CDK5RAP2: variants seen among roughly 807,000 people sequenced by gnomAD.
The protein encoded by CDK5RAP2 is CDK5 regulatory subunit associated protein 2.
A neutral mutation model predicts 232.9 loss-of-function variants in CDK5RAP2; 147 were observed. That is an observed-to-expected ratio of 0.63 (90% CI 0.55 to 0.72). The LOEUF (loss-of-function observed/expected upper bound fraction) is 0.72. CDK5RAP2 is among the 30% of genes least tolerant of loss of function. The pLI, the probability that CDK5RAP2 is intolerant of heterozygous loss-of-function variation, is 0.00. For synonymous variants in CDK5RAP2, 833 were observed against 833.7 expected, an observed-to-expected ratio of 1.00 and a Z score of 0.01; for missense variants, 2,195 against 2,231.5, an observed-to-expected ratio of 0.98 and a Z score of 0.33.
rs1419277318 is a variant in CDK5RAP2 at position 120,402,768 on chromosome 9, G to C, written c.5307+38C>G. ...CTCCCCCTTCCACCGACACTCCCAG[G>C]GAGCAGCTTGTGCCCCCCAGCTCTG... On this transcript the variant is annotated intron_variant, in intron 34 of 37. Coordinates refer to ENST00000349780, the MANE Select transcript of CDK5RAP2 (RefSeq NM_018249.6). 5 of 1,612,040 alleles carry C rather than the reference G, an allele frequency of 3.1e-6. No homozygotes were observed. The South Asian group carries it at 4.4e-5, about 14-fold the overall frequency.
chr9:120,456,814 G>C (rs1361778782), intron 20 of CDK5RAP2, among the ~76,000 whole-genome samples: 2 of 152,140 alleles, frequency 1.3e-5, no homozygotes, highest in Admixed American at 1.3e-4. Context: ...CTTTACAAAT[G>C]GGTAGTAAAA....
chr9:120,482,903 A>T (rs1220276794), intron 14 of CDK5RAP2, among the ~76,000 whole-genome samples: 1 of 152,214 alleles, frequency 6.6e-6, no homozygotes, highest in East Asian at 1.9e-4. Flanking sequence ...GTCCCATTTC[A>T]TCAATCACCT....
chr9:120,464,489 C>G (rs548943865), intron 18 of CDK5RAP2, among the ~76,000 whole-genome samples: 1 of 152,138 alleles, frequency 6.6e-6, no homozygotes, highest in South Asian at 2.1e-4. Flanking sequence ...TTTTTCAAAA[C>G]GAGACCTAGA....
At chr9:120,524,428 G>A (rs1252782023) in intron 11 of CDK5RAP2, among the ~76,000 whole-genome samples, 3 of 152,170 alleles carry the variant, frequency 2.0e-5, no homozygotes, top group Non-Finnish European at 2.9e-5. Context: ...ATCACTTGAG[G>A]TTAGGAGTTC....
At chr9:120,534,172 T>C (rs1340057862) in intron 7 of CDK5RAP2, among the ~76,000 whole-genome samples, 3 of 152,142 alleles carry the variant, frequency 2.0e-5, no homozygotes, top group Admixed American at 6.6e-5. Context: ...ATAAGGTCCA[T>C]GTCACCTCCC....
Position 120,453,527 on chromosome 9 carries a change from G to T in CDK5RAP2, c.2722C>A (p.Arg908=), listed in dbSNP as rs754129550. ...GGCACCCCGTGCAGGTTCTCTGGCC[G>T]ATGCTCTGCGCTGAGTGCAGTGTTG... The part of the protein sequence containing the change: ...PINTALSAEH[R]PENLHGVPGW... The change falls in exon 21 of 38, where the codon CGG becomes AGG. Residue 908 remains arginine (R), a synonymous_variant. Transcript: ENST00000349780. The T allele has an allele frequency of 6.2e-7, 1 of 1,614,084 alleles. No individual in the cohort carries two copies. The highest frequency in any genetic ancestry group is 1.7e-5 in the Admixed American group (1 of 60,034).
intron 27 of CDK5RAP2, 95 bp downstream of exon 27, chr9:120,419,693 C>T (rs889082348): frequency 2.1e-6 from 2 of 968,518 alleles, no homozygotes; most frequent in Non-Finnish European, 1.7e-6. Flanking sequence ...CAGAGAAATA[C>T]TCAAATGTCA....
At chr9:120,462,119 T>C (rs1238280024) in intron 18 of CDK5RAP2, among the ~76,000 whole-genome samples, 2 of 152,236 alleles carry the variant, frequency 1.3e-5, no homozygotes, top group Non-Finnish European at 2.9e-5. Flanking sequence ...ATGTTCAATC[T>C]GACCATATCC....
At chr9:120,480,643 T>C (rs1432514023) in intron 14 of CDK5RAP2, among the ~76,000 whole-genome samples, 1 of 152,158 alleles carries the variant, frequency 6.6e-6, no homozygotes, top group East Asian at 1.9e-4. Flanking sequence ...TACACATATA[T>C]TGTATGCATT....
chr9:120,536,903 C>T (rs1174604066), intron 6 of CDK5RAP2, among the ~76,000 whole-genome samples: 1 of 151,956 alleles, frequency 6.6e-6, no homozygotes, highest in Non-Finnish European at 1.5e-5. Context: ...CACACCCCCA[C>T]CGCCCTATTT....
intron 10 of CDK5RAP2, among the ~76,000 whole-genome samples, chr9:120,525,611 A>C (rs1290532735): frequency 6.6e-6 from 1 of 151,302 alleles, no homozygotes; most frequent in Admixed American, 6.6e-5. Flanking sequence ...CATGTGATAC[A>C]ATGTTGACTT....
intron 17 of CDK5RAP2, among the ~76,000 whole-genome samples, chr9:120,469,867 G>C (rs2037595135): frequency 6.6e-6 from 1 of 152,162 alleles, no homozygotes; most frequent in Non-Finnish European, 1.5e-5. Flanking sequence ...TCTAAACTGA[G>C]GGGCCAGAGA....
Position 120,400,885 on chromosome 9 carries a change from C to G in CDK5RAP2, c.5308G>C (p.Gly1770Arg). ...TTGCTCAGTGGTGCTGGGTGTGGAC[C>G]CTACACGGGGGATATGAAGGCTGTT... The part of the protein sequence containing the change: ...SSTSQELGTK[G>R]PHPAPLSKFV... Residue 1770 changes from glycine to arginine, a missense_variant and splice_region_variant, in exon 35 of 38, where the codon GGT (glycine) becomes CGT (arginine). Transcript: ENST00000349780. 4 of 1,614,080 alleles carry G rather than the reference C, an allele frequency of 2.5e-6. No individual in the cohort carries two copies. The highest frequency in any genetic ancestry group is 2.5e-6 in the Non-Finnish European group (3 of 1,180,030).
intron 19 of CDK5RAP2, 103 bp downstream of exon 19, chr9:120,460,469 G>C (rs943800532): frequency 6.8e-6 from 7 of 1,032,304 alleles, no homozygotes; most frequent in Non-Finnish European, 9.0e-6. Flanking sequence ...ACAGGATATA[G>C]GCAGAATGAA....
At chr9:120,448,226 C>T (rs1420696952) in intron 21 of CDK5RAP2, 100 bp from the exon 22 acceptor site, 2 of 1,016,424 alleles carry the variant, frequency 2.0e-6, no homozygotes, top group African/African-American at 3.2e-5. Flanking sequence ...GGAATTCGAA[C>T]TGGCTGCCCA....
At chr9:120,570,431 A>C (rs932625034) in intron 2 of CDK5RAP2, among the ~76,000 whole-genome samples, 2 of 152,140 alleles carry the variant, frequency 1.3e-5, no homozygotes, top group African/African-American at 2.4e-5. Context: ...TGACCATACA[A>C]ATTCTCATAA....
At chr9:120,520,764 T>C (rs2040593449) in intron 11 of CDK5RAP2, among the ~76,000 whole-genome samples, 1 of 120,004 alleles carries the variant, frequency 8.3e-6, no homozygotes, top group South Asian at 2.9e-4. Context: ...TCTCATGAGA[T>C]ATATCTCAGA....
intron 15 of CDK5RAP2, 29 bp downstream of exon 15, chr9:120,477,321 A>G: frequency 6.7e-7 from 1 of 1,499,640 alleles, no homozygotes; most frequent in Non-Finnish European, 9.3e-7. Context: ...TCGCATTCAC[A>G]TGTGTGATGT....
At chr9:120,549,649 T>C (rs752546560) in intron 4 of CDK5RAP2, among the ~76,000 whole-genome samples, 3 of 152,164 alleles carry the variant, frequency 2.0e-5, no homozygotes, top group Non-Finnish European at 2.9e-5. Context: ...AAGATGCAAA[T>C]GTACAGATAC....
Sources: allele counts gnomAD v4.1 joint callset (sites outside exome capture counted in the v4.1 genomes callset), GRCh38; gene constraint gnomAD v4.1.1; transcripts MANE v1.5; gene names NCBI Gene and HGNC (gene_info 2026-07-23, HGNC 2026-07-21).